Variants in EIF4ENIF1 observed in about 807,000 individuals in gnomAD.
EIF4ENIF1 encodes eukaryotic translation initiation factor 4E transporter.
EIF4ENIF1 carries 23 observed loss-of-function variants against 110.5 expected under a neutral mutation model. The observed-to-expected ratio is 0.21, with a 90% CI of 0.15 to 0.29. The LOEUF is 0.29. EIF4ENIF1 is among the 10% of genes least tolerant of loss of function. The pLI is 1.00. For synonymous variants in EIF4ENIF1, 440 were observed against 437.0 expected (o/e 1.01, Z -0.09); for missense variants, 1,031 against 1,221.1 (o/e 0.84, Z 2.32).
chr22:31,465,903 G>T (rs1456906053), intron 4 of EIF4ENIF1, among the ~76,000 whole-genome samples: 2 of 152,192 alleles, frequency 1.3e-5, no homozygotes. Context: ...GCTATACAAG[G>T]AGTATATACT....
intron 14 of EIF4ENIF1, chr22:31,446,943 A>C (rs2050497558): frequency 2.2e-6 from 1 of 462,250 alleles, no homozygotes. Flanking sequence ...CAAACCTGTC[A>C]GCTCTGGCCA....
At chr22:31,477,077 T>A (rs2051602461) in intron 2 of EIF4ENIF1, among the ~76,000 whole-genome samples, 1 of 150,634 alleles carries the variant, frequency 6.6e-6, no homozygotes, top group Non-Finnish European at 1.5e-5. Context: ...GAGCTGTAAT[T>A]GTACCACCGC....
intron 2 of EIF4ENIF1, among the ~76,000 whole-genome samples, chr22:31,479,985 T>G (rs1440304803): frequency 6.6e-6 from 1 of 152,178 alleles, no homozygotes; most frequent in African/African-American, 2.4e-5. Flanking sequence ...GTGCTGGGAT[T>G]ACAAGTGTGA....
intron 6 of EIF4ENIF1, among the ~76,000 whole-genome samples, chr22:31,459,517 AAATT>A (rs1352885034): frequency 6.6e-6 from 1 of 152,094 alleles, no homozygotes; most frequent in African/African-American, 2.4e-5. Context: ...CTACCTAGTA[AAATT>A]AATTGCTACC....
chr22:31,479,804 G>A (rs745591846), intron 2 of EIF4ENIF1, among the ~76,000 whole-genome samples: 4 of 150,544 alleles, frequency 2.7e-5, no homozygotes, highest in Non-Finnish European at 5.9e-5. Flanking sequence ...CAAAACTCAT[G>A]GACTCAAGTG....
At chr22:31,482,152 T>C (rs185308386) in intron 2 of EIF4ENIF1, among the ~76,000 whole-genome samples, 194 of 141,706 alleles carry the variant, frequency 1.4e-3, no homozygotes, top group Middle Eastern at 0.011. Flanking sequence ...TGGATAACAG[T>C]GAGAGCCTGT....
At chr22:31,452,846 T>C (rs2050715328) in intron 10 of EIF4ENIF1, among the ~76,000 whole-genome samples, 1 of 152,218 alleles carries the variant, frequency 6.6e-6, no homozygotes, top group Non-Finnish European at 1.5e-5. Context: ...TCTACCTATC[T>C]GAGGTGCCTC....
At chr22:31,458,763 G>T in intron 6 of EIF4ENIF1, 113 bp from the exon 7 acceptor site, 1 of 953,140 alleles carries the variant, frequency 1.0e-6, no homozygotes, top group Non-Finnish European at 1.5e-6. Context: ...TTAAAAAGCA[G>T]ACTTCTCGTG....
chr22:31,475,128 T>C (rs1325442484), intron 2 of EIF4ENIF1, among the ~76,000 whole-genome samples: 1 of 152,208 alleles, frequency 6.6e-6, no homozygotes, highest in African/African-American at 2.4e-5. Context: ...AGGATATCAA[T>C]CAGGCATTTG....
chr22:31,461,664 C>A (rs1361647839), intron 6 of EIF4ENIF1: 1 of 152,252 alleles, frequency 6.6e-6, no homozygotes, highest in Non-Finnish European at 1.5e-5. Context: ...AACTCCTGAC[C>A]TCAAATGATC....
intron 2 of EIF4ENIF1, among the ~76,000 whole-genome samples, chr22:31,484,153 T>G (rs567708762): frequency 2.6e-5 from 4 of 152,236 alleles, no homozygotes; most frequent in Admixed American, 6.5e-5. Flanking sequence ...TGTGCACCAC[T>G]TGGGAGTGGG....
intron 10 of EIF4ENIF1, among the ~76,000 whole-genome samples, chr22:31,451,521 G>A (rs527645542): frequency 2.0e-5 from 3 of 151,514 alleles, no homozygotes; most frequent in South Asian, 2.1e-4. Flanking sequence ...TGATCTGCCC[G>A]CCTCGGCCTC....
At chr22:31,488,027 A>G (rs1368934542) in intron 2 of EIF4ENIF1, among the ~76,000 whole-genome samples, 1 of 152,148 alleles carries the variant, frequency 6.6e-6, no homozygotes, top group Non-Finnish European at 1.5e-5. Flanking sequence ...CTGATGCAAG[A>G]TCTTTAATAA....
At chr22:31,466,639 T>C (rs1372921128) in intron 4 of EIF4ENIF1, among the ~76,000 whole-genome samples, 2 of 81,554 alleles carry the variant, frequency 2.5e-5, no homozygotes, top group African/African-American at 1.1e-4. Context: ...GGGGGAAGTG[T>C]TGTGGGGGGG....
chr22:31,441,208 G>A (rs554544207), intron 17 of EIF4ENIF1, among the ~76,000 whole-genome samples: 22 of 152,044 alleles, frequency 1.4e-4, no homozygotes, highest in East Asian at 7.7e-4. Context: ...AGCAGAGATC[G>A]CGCCACTGCA....
intron 3 of EIF4ENIF1, among the ~76,000 whole-genome samples, chr22:31,470,423 G>A (rs2051335486): frequency 6.6e-6 from 1 of 151,696 alleles, no homozygotes; most frequent in African/African-American, 2.4e-5. Context: ...TGGGACTATA[G>A]GCATGTGCCA....
At chr22:31,467,759 T>C (rs1354432666) in intron 4 of EIF4ENIF1, among the ~76,000 whole-genome samples, 1 of 151,296 alleles carries the variant, frequency 6.6e-6, no homozygotes, top group Non-Finnish European at 1.5e-5. Flanking sequence ...GAGGCAGAGG[T>C]TGCAGACTAG....
At chr22:31,451,572 C>CA (rs2050677334) in intron 10 of EIF4ENIF1, among the ~76,000 whole-genome samples, 1 of 152,062 alleles carries the variant, frequency 6.6e-6, no homozygotes, top group South Asian at 2.1e-4. Flanking sequence ...CCGCACCCGG[C>CA]AACTTTATTA....
At chr22:31,442,308 C>A (rs1436088250) in intron 16 of EIF4ENIF1, among the ~76,000 whole-genome samples, 190 bp from the exon 17 acceptor site, 1 of 152,154 alleles carries the variant, frequency 6.6e-6, no homozygotes, top group Non-Finnish European at 1.5e-5. Context: ...TGTTGGGCAC[C>A]CTTCTCTGCA....
Sources: allele counts gnomAD v4.1 joint callset (sites outside exome capture counted in the v4.1 genomes callset), GRCh38; gene constraint gnomAD v4.1.1; transcripts MANE v1.5; gene names NCBI Gene and HGNC (gene_info 2026-07-23, HGNC 2026-07-21).